WAPL: variants seen among roughly 807,000 people sequenced by gnomAD.
The protein encoded by WAPL is wings apart-like protein homolog.
A neutral mutation model predicts 121.0 loss-of-function variants in WAPL; 5 were observed. The observed-to-expected ratio is 0.04, with a 90% CI of 0.02 to 0.09. The LOEUF (loss-of-function observed/expected upper bound fraction) is 0.09, where lower values mean the gene tolerates loss of function less well. Ranked by LOEUF, WAPL falls within the 10% of genes least tolerant of loss-of-function variation. WAPL has a pLI of 1.00. For missense variants in WAPL, 999 were observed against 1,410.8 expected, an observed-to-expected ratio of 0.71 and a Z score of 4.68; for synonymous variants, 480 against 481.5, an observed-to-expected ratio of 1.00 and a Z score of 0.04.
chr10:86,458,842 C>G, intron 12 of WAPL, 147 bp downstream of exon 12: 1 of 543,022 alleles, frequency 1.8e-6, no homozygotes, highest in Non-Finnish European at 3.1e-6. Context: ...ACTCTTAAAA[C>G]TTTTGTTACA....
At chr10:86,452,469 G>A (rs1213910713) in intron 14 of WAPL, among the ~76,000 whole-genome samples, 3 of 152,078 alleles carry the variant, frequency 2.0e-5, no homozygotes, top group Non-Finnish European at 4.4e-5. Flanking sequence ...TCAGATGCCT[G>A]TAATCCCACC....
chr10:86,495,477 A>G (rs368982854), intron 4 of WAPL, among the ~76,000 whole-genome samples: 1 of 152,070 alleles, frequency 6.6e-6, no homozygotes, highest in African/African-American at 2.4e-5. Flanking sequence ...AAAAAAGAGG[A>G]GGAGGAATAA....
chr10:86,498,646 G>GA (rs1412254906), intron 3 of WAPL, among the ~76,000 whole-genome samples: 1 of 152,074 alleles, frequency 6.6e-6, no homozygotes, highest in Non-Finnish European at 1.5e-5. Flanking sequence ...AACCAATCCA[G>GA]AAAAACTATA....
chr10:86,457,878 G>A (rs566912951), intron 12 of WAPL, among the ~76,000 whole-genome samples: 5 of 152,172 alleles, frequency 3.3e-5, no homozygotes, highest in Non-Finnish European at 7.4e-5. Flanking sequence ...TTTTCTTCTA[G>A]GCATTATGTA....
chr10:86,499,921 C>G lies in WAPL; in HGVS notation c.1322G>C (p.Gly441Ala), dbSNP rs759408709. ...TTTGTAATTAGAACTTCCAGAACCT[C>G]CTTCATCACCTCCTGTCTCATGATC... The part of the protein sequence containing the change: ...FEDHETGGDE[G>A]GSGSSNYKIK... The change falls in exon 3 of 19, where the codon GGA becomes GCA. Residue 441 changes from glycine (G) to alanine (A), a missense_variant. Coordinates refer to ENST00000298767, the MANE Select transcript of WAPL (RefSeq NM_015045.5). 1 of 1,613,986 alleles carries G rather than the reference C, an allele frequency of 6.2e-7. No individual in the cohort carries two copies. Among genetic ancestry groups the G allele is most frequent in the African/African-American group, 1.3e-5 (1 of 74,906 alleles).
At chr10:86,468,612 G>A (rs905358093) in intron 8 of WAPL, among the ~76,000 whole-genome samples, 1 of 152,072 alleles carries the variant, frequency 6.6e-6, no homozygotes, top group African/African-American at 2.4e-5. Flanking sequence ...AAACACAGCT[G>A]TGTTTACATC....
At chr10:86,470,317 A>G (rs1255765745) in intron 8 of WAPL, among the ~76,000 whole-genome samples, 1 of 152,158 alleles carries the variant, frequency 6.6e-6, no homozygotes, top group African/African-American at 2.4e-5. Flanking sequence ...TACAGGCATG[A>G]GCCACCGCGC....
At chr10:86,440,514 T>C (rs1589487186) in intron 17 of WAPL, among the ~76,000 whole-genome samples, 2 of 152,106 alleles carry the variant, frequency 1.3e-5, no homozygotes, top group East Asian at 3.9e-4. Flanking sequence ...TTAGCCAGGA[T>C]GGTCTCGATC....
chr10:86,515,005 T>C (rs1842527807), intron 2 of WAPL, among the ~76,000 whole-genome samples: 1 of 152,102 alleles, frequency 6.6e-6, no homozygotes, highest in African/African-American at 2.4e-5. Flanking sequence ...CACGCCTATA[T>C]TCCCAGCACT....
chr10:86,488,146 CGTG>C (rs1454757439), intron 4 of WAPL, among the ~76,000 whole-genome samples: 2 of 152,070 alleles, frequency 1.3e-5, no homozygotes, highest in Non-Finnish European at 2.9e-5. Flanking sequence ...TAGAATAAAA[CGTG>C]GTATTGGAAA....
chr10:86,477,263 A>G (rs1841680138), intron 4 of WAPL, among the ~76,000 whole-genome samples: 1 of 152,238 alleles, frequency 6.6e-6, no homozygotes, highest in African/African-American at 2.4e-5. Flanking sequence ...ACAGTACAGT[A>G]ATTCCACATG....
chr10:86,462,373 A>G (rs1023663378), intron 9 of WAPL, among the ~76,000 whole-genome samples: 1 of 152,152 alleles, frequency 6.6e-6, no homozygotes, highest in African/African-American at 2.4e-5. Context: ...AAACCTTAAG[A>G]CTGCACATTT....
At chr10:86,470,323 C>A (rs756219065) in intron 8 of WAPL, among the ~76,000 whole-genome samples, 1 of 152,012 alleles carries the variant, frequency 6.6e-6, no homozygotes, top group Non-Finnish European at 1.5e-5. Context: ...CATGAGCCAC[C>A]GCGCCCAGCC....
Position 86,499,788 on chromosome 10 carries a change from T to G in WAPL, c.1455A>C (p.Ser485=). ...TTTCTGGGGGAGGCTGCAAGGAGGG[T>G]GATGGAGCTGTTTTAGTTCTTTTTT... is the stretch of plus-strand genomic sequence containing the variant. ...TSKKRTKTAP[S]PSLQPPPESN... Residue 485 remains serine, a synonymous_variant, in exon 3 of 19, where the codon TCA becomes TCC. Coordinates refer to ENST00000298767, the MANE Select transcript of WAPL (RefSeq NM_015045.5). 1 of 1,611,838 alleles carries G rather than the reference T, an allele frequency of 6.2e-7. No homozygotes were observed. The highest frequency in any genetic ancestry group is 8.5e-7 in the Non-Finnish European group (1 of 1,179,362).
chr10:86,446,223 C>T lies in WAPL; in HGVS notation c.3322+19G>A, dbSNP rs750645313. On this transcript the variant is annotated intron_variant, in intron 16 of 18. Coordinates refer to ENST00000298767, the MANE Select transcript of WAPL (RefSeq NM_015045.5). ...AACCACTATCTTCAATTTAAATACA[C>T]CATTCAAAGTAAATATACCTTTATT... The T allele has an allele frequency of 1.8e-5, 29 of 1,610,348 alleles. No homozygotes were observed. The highest frequency in any genetic ancestry group is 2.4e-5 in the Non-Finnish European group (28 of 1,177,326).
rs1849294048 is a variant in WAPL at position 86,435,405 on chromosome 10, G to A, written c.*2138C>T. The A allele has an allele frequency of 6.6e-6, 1 of 152,534 alleles. No homozygotes were observed. The highest frequency in any genetic ancestry group is 2.4e-5 in the African/African-American group (1 of 41,394). The allele number at this position is 152,534 out of a possible 1,614,324, so 9.4% of individuals were successfully genotyped here. A position where few individuals can be genotyped will look rare whatever the true frequency, so the allele number is the denominator to read the frequency against. On this transcript the variant is annotated 3_prime_UTR_variant, in exon 19 of 19. Transcript: ENST00000298767. ...GAAATACTGTATAAAATAAAAATAG[G>A]ATTGGATTCAGAAAAGTACTCTACT...
At chr10:86,463,994 G>A (rs73335539) in intron 9 of WAPL, among the ~76,000 whole-genome samples, 214 of 152,260 alleles carry the variant, frequency 1.4e-3, no homozygotes, top group African/African-American at 5.0e-3. Flanking sequence ...TGTTCACACA[G>A]CAACAAAATC....
Position 86,474,119 on chromosome 10 carries a change from T to C in WAPL, c.1645-146A>G, listed in dbSNP as rs375646300. The C allele has an allele frequency of 6.7e-4, 432 of 648,786 alleles. 6 individuals carry two copies. In the South Asian group the frequency reaches 7.6e-3, roughly 11 times the overall value. The allele number at this position is 648,786 out of a possible 1,614,324, so 40.2% of individuals were successfully genotyped here. On this transcript the variant is annotated intron_variant, in intron 4 of 18. Coordinates refer to ENST00000298767, the MANE Select transcript of WAPL (RefSeq NM_015045.5). ...GGGAACAGTCCCACCATAATTCCCATTCTCATGTCTATGGCAAATATAATC... is the reference window on the plus strand; with the variant it reads ...GGGAACAGTCCCACCATAATTCCCACTCTCATGTCTATGGCAAATATAATC...
chr10:86,480,119 G>A (rs1168813201), intron 4 of WAPL, among the ~76,000 whole-genome samples: 1 of 152,196 alleles, frequency 6.6e-6, no homozygotes, highest in South Asian at 2.1e-4. Context: ...TATGCAATAT[G>A]AAACACTGTA....
Sources: gnomAD v4.1 joint callset for allele counts (sites outside exome capture counted in the v4.1 genomes callset) on GRCh38, gnomAD v4.1.1 for gene constraint, MANE v1.5 for transcripts, NCBI Gene and HGNC (gene_info 2026-07-23, HGNC 2026-07-21) for gene names.